Variants in GCH1 observed in about 807,000 individuals in gnomAD.
GCH1 encodes the protein GTP cyclohydrolase I.
Under a neutral mutation model 25.9 loss-of-function variants are expected in GCH1, and 5 were observed. That is an observed-to-expected ratio of 0.19 (90% confidence interval 0.10 to 0.41). The LOEUF is 0.41. Among genes scored for constraint, GCH1 ranks in the 10% least tolerant of loss-of-function variants. The pLI is 1.00. For synonymous variants in GCH1, 159 were observed against 129.6 expected (o/e 1.23, Z -1.54); for missense variants, 261 against 336.5 (o/e 0.78, Z 1.75).
At chr14:54,847,332 T>A (rs2140044017) in intron 3 of GCH1, among the ~76,000 whole-genome samples, 1 of 152,252 alleles carries the variant, frequency 6.6e-6, no homozygotes, top group Admixed American at 6.5e-5. Context: ...GGATGCAAAG[T>A]ATTGTTCCTG....
chr14:54,855,180 C>T (rs1645019534), intron 3 of GCH1, among the ~76,000 whole-genome samples: 1 of 152,028 alleles, frequency 6.6e-6, no homozygotes, highest in South Asian at 2.1e-4. Context: ...TAAAAGATGT[C>T]CAAAGAACTT....
chr14:54,887,775 C>T (rs1194680021), intron 1 of GCH1, among the ~76,000 whole-genome samples: 7 of 152,122 alleles, frequency 4.6e-5, no homozygotes, highest in East Asian at 1.9e-4. Flanking sequence ...GAATAAACTA[C>T]GCCAATATGG....
At position 54,880,513 on chromosome 14, in the gene GCH1, T is replaced by C. The variant is rs538834839; in HGVS notation, c.344-15077A>G. Among the ~76,000 whole-genome samples, 588 of 96,878 alleles carry C rather than the reference T, an allele frequency of 6.1e-3. 114 individuals are homozygous for C. The highest frequency in any genetic ancestry group is 0.022 in the African/African-American group (517 of 23,126). The allele number at this position is 96,878 out of a possible 152,430, so 63.6% of individuals were successfully genotyped here. On this transcript the variant is annotated intron_variant, in intron 1 of 5. Coordinates refer to ENST00000491895, the MANE Select transcript of GCH1 (RefSeq NM_000161.3). ...TATATATATACTCCATATATATATA[T>C]ACTCCATATATATATATATACTCCA...
chr14:54,863,195 G>A (rs1197141452), intron 2 of GCH1, among the ~76,000 whole-genome samples: 3 of 151,864 alleles, frequency 2.0e-5, no homozygotes, highest in Admixed American at 6.6e-5. Flanking sequence ...CAAGGCGGGC[G>A]GATCACGAGG....
intron 1 of GCH1, among the ~76,000 whole-genome samples, chr14:54,868,793 G>A (rs2040025692): frequency 6.6e-6 from 1 of 151,790 alleles, no homozygotes; most frequent in African/African-American, 2.4e-5. Context: ...GTAGAGATGG[G>A]GTTTCACCAT....
At chr14:54,862,379 C>CTTTTTTT (rs892910613) in intron 2 of GCH1, among the ~76,000 whole-genome samples, 1 of 57,410 alleles carries the variant, frequency 1.7e-5, no homozygotes, top group Non-Finnish European at 3.6e-5. Flanking sequence ...AAGCACTACT[C>CTTTTTTT]TTTTTTTTTT....
Position 54,865,378 on chromosome 14 carries a change from G to A in GCH1, c.402C>T (p.Asp134=). Residue 134 remains aspartate, a synonymous_variant, in exon 2 of 6, where the codon GAC becomes GAT. Transcript: ENST00000491895. Reference sequence around the variant, plus strand: ...GCTCACACATGGAAAACATGTCTATGTCCTTCACAATCACCATCTCATCAT... The same window carrying A: ...GCTCACACATGGAAAACATGTCTATATCCTTCACAATCACCATCTCATCAT... ...EDHDEMVIVK[D]IDMFSMCEHH... 6.3e-7 allele frequency: 1 copy of A among 1,594,590 alleles called. No homozygotes were observed. Among genetic ancestry groups the A allele is most frequent in the Non-Finnish European group, 8.6e-7 (1 of 1,162,624 alleles).
At chr14:54,893,612 A>G (rs181421581) in intron 1 of GCH1, among the ~76,000 whole-genome samples, 120 of 152,322 alleles carry the variant, frequency 7.9e-4, no homozygotes, top group African/African-American at 2.7e-3. Flanking sequence ...TTTCTATATC[A>G]TCCTCTCAGC....
chr14:54,895,531 A>G (rs1239176603), intron 1 of GCH1, among the ~76,000 whole-genome samples: 1 of 152,222 alleles, frequency 6.6e-6, no homozygotes, highest in African/African-American at 2.4e-5. Context: ...TGGAAGGGTC[A>G]GTTACAGGGG....
rs1429025616 is a variant in GCH1 at position 54,851,700 on chromosome 14, A to G, written c.510-4570T>C. On this transcript the variant is annotated intron_variant, in intron 3 of 5. Transcript: ENST00000491895. ...ACCATCTCACACCAGTTAGAATGGC[A>G]ATCATTAAAAAGTCAGGAAACAACA... Among the ~76,000 whole-genome samples the G allele has an allele frequency of 5.3e-5, 8 of 152,242 alleles. No individual in the cohort carries two copies. The South Asian group carries it at 1.0e-3, about 20-fold the overall frequency.
intron 1 of GCH1, among the ~76,000 whole-genome samples, chr14:54,877,785 A>G (rs2040184606): frequency 6.6e-6 from 1 of 152,098 alleles, no homozygotes; most frequent in African/African-American, 2.4e-5. Flanking sequence ...ATGAGCCACC[A>G]TGCCTGGCCC....
intron 1 of GCH1, among the ~76,000 whole-genome samples, chr14:54,869,522 CCAGG>C (rs2040038684): frequency 6.6e-6 from 1 of 152,074 alleles, no homozygotes; most frequent in Admixed American, 6.5e-5. Context: ...CCCTTGTTGC[CCAGG>C]CTGGAGTGCA....
intron 1 of GCH1, among the ~76,000 whole-genome samples, chr14:54,875,318 T>C (rs10220342): frequency 0.042 from 6,367 of 152,178 alleles, 499 homozygotes; most frequent in African/African-American, 0.15. Context: ...ATACAAAAAT[T>C]AATTCAAGAT....
At chr14:54,863,848 G>GTTGTTTGT (rs111635456) in intron 2 of GCH1, among the ~76,000 whole-genome samples, 7,538 of 151,468 alleles carry the variant, frequency 0.05, 357 homozygotes, top group East Asian at 0.2. Flanking sequence ...GGGTTTCGTT[G>GTTGTTTGT]TTGTTTGTTT....
rs2039578863 is a variant in GCH1, at chr14:54,842,868, G to A, written c.*1149C>T. On this transcript the variant is annotated 3_prime_UTR_variant, in exon 6 of 6. Transcript: ENST00000491895. The stretch of plus-strand genomic sequence containing the variant: ...ATTAAAATACCTATACCATCTATAC[G>A]GAGTTACAATGAGGACAAGACCCAC... The A allele has an allele frequency of 1.0e-5, 5 of 480,716 alleles. No homozygotes were observed. The highest frequency in any genetic ancestry group is 1.5e-5 in the Non-Finnish European group (4 of 266,200). The allele number at this position is 480,716 out of a possible 1,614,324, so 29.8% of individuals were successfully genotyped here. A position where few individuals can be genotyped will look rare whatever the true frequency, so the allele number is the denominator to read the frequency against.
Position 54,893,144 on chromosome 14 carries a change from T to C in GCH1, c.343+9177A>G, listed in dbSNP as rs115665619. 9.4e-3 allele frequency among the ~76,000 whole-genome samples: 1,436 copies of C among 152,338 alleles called. 27 individuals carry two copies. The highest frequency in any genetic ancestry group is 0.032 in the African/African-American group (1,349 of 41,570). On this transcript the variant is annotated intron_variant, in intron 1 of 5. Coordinates refer to ENST00000491895, the MANE Select transcript of GCH1 (RefSeq NM_000161.3). ...AAAATTCTAGTAAATGAATGTCCTCTTGGCCTTGAGTATAACAGATTTAAC... is the reference window on the plus strand; with the variant it reads ...AAAATTCTAGTAAATGAATGTCCTCCTGGCCTTGAGTATAACAGATTTAAC...
At chr14:54,863,140 C>T (rs1487783202) in intron 2 of GCH1, among the ~76,000 whole-genome samples, 5 of 151,898 alleles carry the variant, frequency 3.3e-5, no homozygotes, top group Non-Finnish European at 7.4e-5. Flanking sequence ...TATTTTAGGG[C>T]CAGGTGCGGT....
At chr14:54,891,374 G>A (rs1443327833) in intron 1 of GCH1, among the ~76,000 whole-genome samples, 1 of 149,914 alleles carries the variant, frequency 6.7e-6, no homozygotes, top group Non-Finnish European at 1.5e-5. Flanking sequence ...CCAAGGTGCT[G>A]GGATTACAGG....
chr14:54,854,520 C>CA (rs143289311), intron 3 of GCH1, among the ~76,000 whole-genome samples: 2,924 of 145,986 alleles, frequency 0.02, 47 homozygotes, highest in South Asian at 0.051. Context: ...ATACAAGTAC[C>CA]AAAAAAAAAA....
Sources: gnomAD v4.1 joint callset for allele counts (sites outside exome capture counted in the v4.1 genomes callset) on GRCh38, gnomAD v4.1.1 for gene constraint, MANE v1.5 for transcripts, NCBI Gene and HGNC (gene_info 2026-07-23, HGNC 2026-07-21) for gene names.